CYP7B1: variants seen among roughly 807,000 people sequenced by gnomAD.
CYP7B1 encodes cytochrome P450 7B1.
CYP7B1 carries 29 observed loss-of-function variants against 42.7 expected under a neutral mutation model. The observed-to-expected ratio is 0.68, with a 90% confidence interval of 0.51 to 0.93. CYP7B1 has a LOEUF of 0.93. Ranked by LOEUF, CYP7B1 falls within the 40% of genes least tolerant of loss-of-function variation. CYP7B1 has a pLI of 0.00. For missense variants in CYP7B1, 655 were observed against 600.5 expected (o/e 1.09, Z -0.95); for synonymous variants, 235 against 218.2 (o/e 1.08, Z -0.68).
chr8:64,649,888 G>C (rs1006963167), intron 1 of CYP7B1, among the ~76,000 whole-genome samples: 2 of 152,028 alleles, frequency 1.3e-5, no homozygotes, highest in East Asian at 1.9e-4. Flanking sequence ...AAAGTTCTTT[G>C]ATCATTTTTA....
At chr8:64,777,522 T>C (rs1468952372) in intron 1 of CYP7B1, among the ~76,000 whole-genome samples, 1 of 152,096 alleles carries the variant, frequency 6.6e-6, no homozygotes, top group Non-Finnish European at 1.5e-5. Flanking sequence ...AAATATGGCA[T>C]ATCATGGACC....
At chr8:64,611,097 C>T (rs1805356402) in intron 4 of CYP7B1, among the ~76,000 whole-genome samples, 1 of 152,024 alleles carries the variant, frequency 6.6e-6, no homozygotes, top group Non-Finnish European at 1.5e-5. Context: ...TGATCTTGTC[C>T]ACATGCACAT....
chr8:64,661,305 T>C (rs2129631428), intron 1 of CYP7B1, among the ~76,000 whole-genome samples: 1 of 152,336 alleles, frequency 6.6e-6, no homozygotes, highest in African/African-American at 2.4e-5. Flanking sequence ...TAATAAAAAT[T>C]AAACAGCACT....
At chr8:64,672,208 A>G (rs1429254605) in intron 1 of CYP7B1, among the ~76,000 whole-genome samples, 1 of 152,162 alleles carries the variant, frequency 6.6e-6, no homozygotes, top group Non-Finnish European at 1.5e-5. Context: ...TGAGTTTAAG[A>G]CCTTAATGAG....
At chr8:64,769,292 T>C (rs1804176603) in intron 1 of CYP7B1, among the ~76,000 whole-genome samples, 1 of 152,120 alleles carries the variant, frequency 6.6e-6, no homozygotes, top group Non-Finnish European at 1.5e-5. Flanking sequence ...TACTTTTTTC[T>C]CCCCAGCCAA....
At chr8:64,642,918 A>C (rs1001931606) in intron 1 of CYP7B1, among the ~76,000 whole-genome samples, 3 of 151,850 alleles carry the variant, frequency 2.0e-5, no homozygotes, top group African/African-American at 7.3e-5. Context: ...TCATTTGGAC[A>C]TATGTCTGTT....
intron 1 of CYP7B1, among the ~76,000 whole-genome samples, chr8:64,775,557 T>C (rs757539810): frequency 2.0e-5 from 3 of 152,184 alleles, no homozygotes; most frequent in Non-Finnish European, 4.4e-5. Context: ...TTCTAGGTGC[T>C]GAGGACAGAG....
intron 5 of CYP7B1, among the ~76,000 whole-genome samples, chr8:64,599,095 G>A (rs1007782250): frequency 6.6e-6 from 1 of 152,172 alleles, no homozygotes; most frequent in Non-Finnish European, 1.5e-5. Context: ...TGGGGTCACA[G>A]TGACACAGAA....
intron 1 of CYP7B1, among the ~76,000 whole-genome samples, chr8:64,670,426 GC>G (rs1227492948): frequency 6.6e-6 from 1 of 152,044 alleles, no homozygotes; most frequent in African/African-American, 2.4e-5. Context: ...ATAGGCTTCT[GC>G]CATTTTCCTG....
At chr8:64,711,084 A>G (rs1282781418) in intron 1 of CYP7B1, among the ~76,000 whole-genome samples, 1 of 152,148 alleles carries the variant, frequency 6.6e-6, no homozygotes, top group Non-Finnish European at 1.5e-5. Context: ...AGAAGGGGGA[A>G]GAGAGATGTG....
intron 1 of CYP7B1, among the ~76,000 whole-genome samples, chr8:64,663,693 C>T (rs1270360085): frequency 1.3e-5 from 2 of 152,108 alleles, no homozygotes; most frequent in Non-Finnish European, 2.9e-5. Context: ...TGTGTAATCT[C>T]GCATCCAAAC....
At chr8:64,727,183 T>C (rs1807337140) in intron 1 of CYP7B1, among the ~76,000 whole-genome samples, 1 of 152,174 alleles carries the variant, frequency 6.6e-6, no homozygotes, top group Admixed American at 6.5e-5. Context: ...GGAGTTCTAC[T>C]TCTGAGGAAC....
chr8:64,588,733 A>G (rs1804999552), downstream of CYP7B1, among the ~76,000 whole-genome samples: 1 of 152,178 alleles, frequency 6.6e-6, no homozygotes, highest in South Asian at 2.1e-4. Context: ...AAGTACAGCT[A>G]CATTTGCCAT....
chr8:64,672,432 C>G (rs62521087), intron 1 of CYP7B1, among the ~76,000 whole-genome samples: 4,731 of 152,246 alleles, frequency 0.031, 123 homozygotes, highest in Admixed American at 0.063. Context: ...TATTCCCCTT[C>G]TTAATTCCCT....
At chr8:64,637,365 T>C (rs141340344) in intron 1 of CYP7B1, among the ~76,000 whole-genome samples, 301 of 152,338 alleles carry the variant, frequency 2.0e-3, no homozygotes, top group African/African-American at 6.9e-3. Context: ...ACTATTAACA[T>C]AGCAAAAACT....
At chr8:64,725,576 C>T (rs927344335) in intron 1 of CYP7B1, among the ~76,000 whole-genome samples, 3 of 152,156 alleles carry the variant, frequency 2.0e-5, no homozygotes, top group African/African-American at 7.2e-5. Context: ...ACAGTGGGAG[C>T]TGGATTCAGG....
At chr8:64,789,221 C>A (rs1332041753) in intron 1 of CYP7B1, among the ~76,000 whole-genome samples, 1 of 152,134 alleles carries the variant, frequency 6.6e-6, no homozygotes, top group African/African-American at 2.4e-5. Context: ...AGCCACTGTG[C>A]CTGGCCATAC....
At chr8:64,605,467 A>AC (rs1442900535) in intron 4 of CYP7B1, among the ~76,000 whole-genome samples, 3 of 152,192 alleles carry the variant, frequency 2.0e-5, no homozygotes, top group Admixed American at 6.5e-5. Flanking sequence ...AATAACAGGC[A>AC]CCATCATATC....
At chr8:64,624,827 G>T (rs1805583831) in intron 1 of CYP7B1, among the ~76,000 whole-genome samples, 1 of 151,740 alleles carries the variant, frequency 6.6e-6, no homozygotes, top group Non-Finnish European at 1.5e-5. Flanking sequence ...TGATTTCTGA[G>T]ATTTTGGTTT....
Sources: gnomAD v4.1 joint callset for allele counts (sites outside exome capture counted in the v4.1 genomes callset) on GRCh38, gnomAD v4.1.1 for gene constraint, MANE v1.5 for transcripts, NCBI Gene and HGNC (gene_info 2026-07-23, HGNC 2026-07-21) for gene names.